Variants in TRIP11 observed in about 807,000 individuals in gnomAD.
The protein encoded by TRIP11 is thyroid receptor-interacting protein 11.
A neutral mutation model predicts 223.1 loss-of-function variants in TRIP11; 148 were observed. The ratio of observed to expected loss-of-function variants is 0.66; its 90% CI spans 0.58 to 0.76. TRIP11 has a LOEUF of 0.76. Ranked by LOEUF, TRIP11 falls within the 30% of genes least tolerant of loss-of-function variation. TRIP11 has a pLI of 0.00. For missense variants in TRIP11, 2,043 were observed against 2,222.0 expected, an observed-to-expected ratio of 0.92 and a Z score of 1.62; for synonymous variants, 762 against 772.6, an observed-to-expected ratio of 0.99 and a Z score of 0.23.
chr14:92,003,991 A>C lies in TRIP11; in HGVS notation c.3985T>G (p.Cys1329Gly), dbSNP rs1286969963. 2 of 1,614,060 alleles carry C rather than the reference A, an allele frequency of 1.2e-6. No homozygotes were observed. Among genetic ancestry groups the C allele is most frequent in the Non-Finnish European group, 1.7e-6 (2 of 1,180,038 alleles). ...ACTTCAGACTTACTTGCTCTAAGAC[A>C]CTCTGCAGACTGGGGAGTAAGCAAT... ...ASLLTPQSAE[C>G]LRASKSEVLS... Residue 1329 changes from cysteine (C) to glycine (G), a missense_variant, in exon 11 of 21, where the codon TGT (cysteine) becomes GGT (glycine). Cys to Gly is a radical substitution (Grantham distance 159). Coordinates refer to ENST00000267622, the MANE Select transcript of TRIP11 (RefSeq NM_004239.4).
At chr14:92,035,161 A>AC (rs1012322174) in intron 1 of TRIP11, among the ~76,000 whole-genome samples, 1 of 151,374 alleles carries the variant, frequency 6.6e-6, no homozygotes, top group African/African-American at 2.4e-5. Flanking sequence ...AAAAAAAAAA[A>AC]AACTGGCCAG....
At position 91,974,722 on chromosome 14, in the gene TRIP11, C is replaced by A. The variant is rs1051340; in HGVS notation, c.5479G>T (p.Gly1827Cys). The change falls in exon 19 of 21, where the codon GGT becomes TGT. Residue 1827 changes from glycine (G) to cysteine (C), a missense_variant. Coordinates refer to ENST00000267622, the MANE Select transcript of TRIP11 (RefSeq NM_004239.4). ...MEQLFHDDQG[G>C]VTRWMTGWLG... ...CACCCAGTCATCCACCTGGTAACAC[C>A]GCCCTGATCGTCATGAAACAACTGA... 1.9e-6 allele frequency: 3 copies of A among 1,611,832 alleles called. No individual in the cohort carries two copies. Among genetic ancestry groups the A allele is most frequent in the African/African-American group, 1.3e-5 (1 of 74,664 alleles).
In TRIP11 at chr14:92,021,631, T is replaced by G; in HGVS notation, c.513A>C (p.Gln171His). The G allele has an allele frequency of 6.2e-7, 1 of 1,614,180 alleles. No individual in the cohort carries two copies. The highest frequency in any genetic ancestry group is 8.5e-7 in the Non-Finnish European group (1 of 1,180,042). The stretch of plus-strand genomic sequence containing the variant: ...CATTTGAGAGTCGGTTTATTTCTTG[T>G]TGGGATGAAATTATATCACCAAAGT... ...DMDFGDIISS[Q>H]QEINRLSNEV... The change falls in exon 4 of 21, where the codon CAA becomes CAC. Residue 171 changes from glutamine (Q) to histidine (H), a missense_variant. Coordinates refer to ENST00000267622, the MANE Select transcript of TRIP11 (RefSeq NM_004239.4).
rs758474557 is a variant in TRIP11 at position 92,004,913 on chromosome 14, T to C, written c.3063A>G (p.Leu1021=). ...HDLSKAETER[L]VKGIKERELE... ...GTTCTCGCTCTTTTATTCCTTTCAC[T>C]AATCTTTCCGTTTCAGCTTTAGATA... The change falls in exon 11 of 21, where the codon TTA becomes TTG. Residue 1021 remains leucine, a synonymous_variant. Transcript: ENST00000267622. 1.2e-6 allele frequency: 2 copies of C among 1,613,976 alleles called. No homozygotes were observed. Among genetic ancestry groups the C allele is most frequent in the Admixed American group, 3.3e-5 (2 of 60,022 alleles).
chr14:92,035,170 A>G (rs2057310685), intron 1 of TRIP11, among the ~76,000 whole-genome samples: 1 of 150,096 alleles, frequency 6.7e-6, no homozygotes, highest in African/African-American at 2.4e-5. Context: ...AAAACTGGCC[A>G]GTCATGGTGG....
intron 2 of TRIP11, among the ~76,000 whole-genome samples, chr14:92,026,017 T>A (rs1595407383): frequency 6.6e-6 from 1 of 152,372 alleles, no homozygotes; most frequent in East Asian, 1.9e-4. Context: ...TTCCCCATCT[T>A]TGTATACCCA....
intron 4 of TRIP11, among the ~76,000 whole-genome samples, chr14:92,020,078 T>C (rs1390026381): frequency 6.6e-6 from 1 of 151,942 alleles, no homozygotes; most frequent in Admixed American, 6.6e-5. Flanking sequence ...TGAAACCCCA[T>C]CTCTACTAAA....
At chr14:91,974,110 C>G (rs1023423530) in intron 19 of TRIP11, among the ~76,000 whole-genome samples, 10 of 152,344 alleles carry the variant, frequency 6.6e-5, no homozygotes, top group African/African-American at 2.4e-4. Flanking sequence ...TAATATTCAT[C>G]TAGAGCCTAC....
Position 91,967,018 on chromosome 14 carries a change from C to T in TRIP11, c.*2655G>A. ...CAGTGAGCAGGTGGTTCATCTCTGA[C>T]ACAACTAAGTTTCAGAAAAGTCAAT... On this transcript the variant is annotated 3_prime_UTR_variant, in exon 21 of 21. Transcript: ENST00000267622. 1 of 196,228 alleles carries T rather than the reference C, an allele frequency of 5.1e-6. No individual in the cohort carries two copies. 12.2% of individuals were successfully genotyped at this position (196,228 alleles called of 1,614,324 possible).
chr14:92,038,390 T>C (rs765404766), intron 1 of TRIP11, among the ~76,000 whole-genome samples: 1 of 152,134 alleles, frequency 6.6e-6, no homozygotes, highest in African/African-American at 2.4e-5. Flanking sequence ...CAAGGTCCCA[T>C]GCTTTCCCCC....
Position 92,038,353 on chromosome 14 carries a change from C to T in TRIP11, c.139+1194G>A, listed in dbSNP as rs550315914. On this transcript the variant is annotated intron_variant, in intron 1 of 20. Coordinates refer to ENST00000267622, the MANE Select transcript of TRIP11 (RefSeq NM_004239.4). The stretch of plus-strand genomic sequence containing the variant: ...CGACCAGTCATTTCCCATAGTTATC[C>T]AGCCCTTCTGTGCTTCTGACTGCCC... Among the ~76,000 whole-genome samples the T allele has an allele frequency of 1.2e-3, 182 of 152,192 alleles. 1 individual carries two copies. Among genetic ancestry groups the T allele is most frequent in the Middle Eastern group, 3.4e-3 (1 of 294 alleles).
intron 2 of TRIP11, among the ~76,000 whole-genome samples, chr14:92,026,159 A>T (rs2057183554): frequency 6.6e-6 from 1 of 152,202 alleles, no homozygotes; most frequent in African/African-American, 2.4e-5. Flanking sequence ...AGGAGGCTAA[A>T]ATCTCACATA....
In TRIP11 at chr14:91,999,365, T is replaced by C; in HGVS notation, c.4767A>G (p.Leu1589=). 1 of 1,614,002 alleles carries C rather than the reference T, an allele frequency of 6.2e-7. No homozygotes were observed. Among genetic ancestry groups the C allele is most frequent in the South Asian group, 1.1e-5 (1 of 91,084 alleles). Residue 1589 remains leucine (L), a synonymous_variant, in exon 13 of 21, where the codon TTA becomes TTG. Transcript: ENST00000267622. ...CACGGGTATAAGAATCTTCTGATTC[T>C]AAAAGATGATTACGCAATCTCTCTA... is the stretch of plus-strand genomic sequence containing the variant. ...QELERLRNHL[L]ESEDSYTREA... is the part of the protein sequence containing the mutation.
At chr14:92,013,663 G>A (rs1049286259) in intron 7 of TRIP11, among the ~76,000 whole-genome samples, 20 of 152,302 alleles carry the variant, frequency 1.3e-4, no homozygotes, top group Admixed American at 3.9e-4. Context: ...CACCCAATAT[G>A]ATAAGTAAGT....
At chr14:91,999,770 G>A (rs148529304) in intron 12 of TRIP11, among the ~76,000 whole-genome samples, 198 bp downstream of exon 12, 2 of 152,078 alleles carry the variant, frequency 1.3e-5, no homozygotes, top group African/African-American at 2.4e-5. Flanking sequence ...TTATATCCGA[G>A]ATATGCCATG....
At chr14:92,029,520 T>C (rs1438077296) in intron 2 of TRIP11, among the ~76,000 whole-genome samples, 1 of 152,030 alleles carries the variant, frequency 6.6e-6, no homozygotes, top group Non-Finnish European at 1.5e-5. Flanking sequence ...GGTCTCGAAC[T>C]CCTGACCTCA....
rs115313771 is a variant in TRIP11, at chr14:91,983,518, G to C, written c.5260+4766C>G. Reference sequence around the variant, plus strand: ...TCATTTACTTTTCCCTTTAAACTTAGAGGAATTTTTTTAAACTGCAATTTC... The same window carrying C: ...TCATTTACTTTTCCCTTTAAACTTACAGGAATTTTTTTAAACTGCAATTTC... On this transcript the variant is annotated intron_variant, in intron 16 of 20. Transcript: ENST00000267622. 3.9e-3 allele frequency among the ~76,000 whole-genome samples: 596 copies of C among 152,262 alleles called. 6 individuals are homozygous for C. Among genetic ancestry groups the C allele is most frequent in the African/African-American group, 0.013 (559 of 41,558 alleles).
chr14:92,038,599 T>C (rs549081655), intron 1 of TRIP11, among the ~76,000 whole-genome samples: 1 of 150,862 alleles, frequency 6.6e-6, no homozygotes, highest in Admixed American at 6.6e-5. Context: ...TTCTACCAAA[T>C]AAATATGAAG....
chr14:92,014,067 A>T, intron 7 of TRIP11, 148 bp downstream of exon 7: 1 of 1,181,722 alleles, frequency 8.5e-7, no homozygotes, highest in Non-Finnish European at 1.2e-6. Flanking sequence ...CACTGAATCC[A>T]AACCACACAA....
Sources: gnomAD v4.1 joint callset for allele counts (sites outside exome capture counted in the v4.1 genomes callset) on GRCh38, gnomAD v4.1.1 for gene constraint, MANE v1.5 for transcripts, NCBI Gene and HGNC (gene_info 2026-07-23, HGNC 2026-07-21) for gene names.